MACROH2A1: variants seen among roughly 807,000 people sequenced by gnomAD.
MACROH2A1 encodes macroH2A.1 histone.
In MACROH2A1, 2 loss-of-function variants were observed where a neutral mutation model predicts 31.6. The observed-to-expected ratio is 0.06, with a 90% CI of 0.03 to 0.20. MACROH2A1 has a LOEUF of 0.20. MACROH2A1 is among the 10% of genes least tolerant of loss of function. The probability of loss-of-function intolerance (pLI) is 1.00; values close to 1 mark genes in which losing one functional copy is unlikely to be tolerated. For synonymous variants in MACROH2A1, 169 were observed against 189.6 expected (o/e 0.89, Z 0.89); for missense variants, 230 against 474.0 (o/e 0.49, Z 4.78).
chr5:135,359,758 A>G (rs1309081775), intron 5 of MACROH2A1: 1 of 957,488 alleles, frequency 1.0e-6, no homozygotes, highest in East Asian at 1.1e-4. Flanking sequence ...TTCTTTAAGT[A>G]TAGGATTAAA....
Position 135,376,603 on chromosome 5 carries a change from T to C in MACROH2A1, c.173-6461A>G, listed in dbSNP as rs956313513. ...AGGGCAGCAATCGCAAATGGCACTG[T>C]GGTGAGAGCCCGGGGTCTGCTGACA... On this transcript the variant is annotated intron_variant, in intron 2 of 8. Coordinates refer to ENST00000511689, the MANE Select transcript of MACROH2A1 (RefSeq NM_138610.3). Among the ~76,000 whole-genome samples the C allele has an allele frequency of 3.3e-5, 5 of 152,048 alleles. No individual in the cohort carries two copies. The South Asian group carries it at 1.0e-3, about 32-fold the overall frequency.
At chr5:135,380,725 C>T (rs1765551216) in intron 2 of MACROH2A1, among the ~76,000 whole-genome samples, 1 of 152,204 alleles carries the variant, frequency 6.6e-6, no homozygotes, top group Non-Finnish European at 1.5e-5. Context: ...CCTCTGCATA[C>T]TACATGTGCC....
intron 5 of MACROH2A1, chr5:135,359,087 T>C: frequency 5.1e-6 from 5 of 985,410 alleles, no homozygotes; most frequent in South Asian, 4.7e-5. Flanking sequence ...GGAAATATTT[T>C]AGTTCATCCA....
intron 5 of MACROH2A1, 99 bp downstream of exon 5, chr5:135,360,398 G>C: frequency 2.5e-6 from 2 of 799,388 alleles, no homozygotes; most frequent in Non-Finnish European, 4.3e-6. Flanking sequence ...ACGAGGCTGG[G>C]AGTGGCCCCC....
intron 4 of MACROH2A1, among the ~76,000 whole-genome samples, chr5:135,365,510 A>G (rs1169025672): frequency 6.6e-6 from 1 of 152,134 alleles, no homozygotes. Context: ...TGCCTTCTGT[A>G]ATGAATCTGC....
intron 1 of MACROH2A1, among the ~76,000 whole-genome samples, chr5:135,391,702 T>C (rs955480650): frequency 6.6e-6 from 1 of 152,210 alleles, no homozygotes; most frequent in African/African-American, 2.4e-5. Context: ...GGCAATGTCA[T>C]GCACCAAACT....
At chr5:135,372,471 T>A (rs1764291162) in intron 2 of MACROH2A1, among the ~76,000 whole-genome samples, 1 of 152,242 alleles carries the variant, frequency 6.6e-6, no homozygotes, top group African/African-American at 2.4e-5. Flanking sequence ...CCCAGCATTT[T>A]CACTGAAGCT....
At chr5:135,394,015 AG>A (rs531411216) in intron 1 of MACROH2A1, among the ~76,000 whole-genome samples, 157 of 152,326 alleles carry the variant, frequency 1.0e-3, no homozygotes, top group African/African-American at 3.7e-3. Context: ...CAGTTCTTTT[AG>A]CACAGGACTA....
chr5:135,389,212 C>T (rs138938921), intron 1 of MACROH2A1, 86 bp from the exon 2 acceptor site: 293 of 962,130 alleles, frequency 3.0e-4, no homozygotes, highest in Non-Finnish European at 4.1e-4. Context: ...CCTGGAAGGC[C>T]CCAGGCCTGC....
chr5:135,372,139 G>A (rs918961363), intron 2 of MACROH2A1, among the ~76,000 whole-genome samples: 7 of 152,186 alleles, frequency 4.6e-5, no homozygotes, highest in Middle Eastern at 3.2e-3. Flanking sequence ...CCATACTGAT[G>A]ACACACAACT....
rs190678777 is a variant in MACROH2A1 at position 135,365,916 on chromosome 5, C to A, written c.477+3490G>T. 9.2e-5 allele frequency among the ~76,000 whole-genome samples: 14 copies of A among 152,320 alleles called. No individual in the cohort carries two copies. The East Asian group carries it at 2.7e-3, about 29-fold the overall frequency. ...TATGGTTTGGCTCTGTGCCCCCCAC[C>A]CAAATCTCACCTCAAATTGTAATCC... On this transcript the variant is annotated intron_variant, in intron 4 of 8. Coordinates refer to ENST00000511689, the MANE Select transcript of MACROH2A1 (RefSeq NM_138610.3).
At chr5:135,376,788 C>G (rs895488677) in intron 2 of MACROH2A1, among the ~76,000 whole-genome samples, 74 of 152,304 alleles carry the variant, frequency 4.9e-4, no homozygotes, top group African/African-American at 1.7e-3. Flanking sequence ...TTAGTATACT[C>G]AGTAAATTCA....
At position 135,398,203 on chromosome 5, in the gene MACROH2A1, G is replaced by A. The variant is rs533460767; in HGVS notation, c.-34+859C>T. Among the ~76,000 whole-genome samples the A allele has an allele frequency of 2.6e-5, 4 of 152,172 alleles. No homozygotes were observed. The highest frequency in any genetic ancestry group is 7.2e-5 in the African/African-American group (3 of 41,504). ...AGTGATCTGTGGCCCCTGCAGGAGT[G>A]GGGGTAGGGAGCGCCATGTCGCACA... On this transcript the variant is annotated intron_variant, in intron 1 of 8. Coordinates refer to ENST00000511689, the MANE Select transcript of MACROH2A1 (RefSeq NM_138610.3). The surrounding 1 kb of genome is among the most constrained non-coding windows in gnomAD (Gnocchi z 4.6).
chr5:135,386,569 C>CTA (rs971745066), intron 2 of MACROH2A1, among the ~76,000 whole-genome samples: 1 of 152,182 alleles, frequency 6.6e-6, no homozygotes, highest in African/African-American at 2.4e-5. Flanking sequence ...CTGGCCAGTC[C>CTA]TATGCCCTGC....
At chr5:135,360,375 A>T (rs1296904710) in intron 5 of MACROH2A1, 122 bp downstream of exon 5, 2 of 683,378 alleles carry the variant, frequency 2.9e-6, no homozygotes, top group Admixed American at 4.6e-5. Flanking sequence ...CTCACAGCCC[A>T]CTCTGTCTAC....
intron 1 of MACROH2A1, among the ~76,000 whole-genome samples, chr5:135,394,227 C>T (rs1357947109): frequency 1.3e-5 from 2 of 152,210 alleles, no homozygotes; most frequent in Non-Finnish European, 2.9e-5. Context: ...GCACCTTCAG[C>T]ACACCCAGCA....
At chr5:135,346,330 G>T in intron 6 of MACROH2A1, 1 of 442,362 alleles carries the variant, frequency 2.3e-6, no homozygotes, top group Non-Finnish European at 4.1e-6. Flanking sequence ...CCAGAGATGT[G>T]AAAGAGACAG....
At chr5:135,344,143 C>T (rs1273979487) in intron 7 of MACROH2A1, 2 of 152,926 alleles carry the variant, frequency 1.3e-5, no homozygotes, top group African/African-American at 2.4e-5. Flanking sequence ...ACTTGCCTTT[C>T]CCTTGCCAGA....
At chr5:135,343,678 A>G (rs1431857903) in intron 7 of MACROH2A1, 2 of 551,156 alleles carry the variant, frequency 3.6e-6, no homozygotes, top group Non-Finnish European at 6.4e-6. Flanking sequence ...GTTCGTAGTA[A>G]GCCTCTCTCC....
Sources: gnomAD v4.1 joint callset for allele counts (sites outside exome capture counted in the v4.1 genomes callset) on GRCh38, gnomAD v4.1.1 for gene constraint, Gnocchi (gnomAD v3.1) non-coding constraint, MANE v1.5 for transcripts, NCBI Gene and HGNC (gene_info 2026-07-23, HGNC 2026-07-21) for gene names.